The following TRMT10B variants were observed in gnomAD, a reference collection of about 807,000 sequenced individuals.
The protein encoded by TRMT10B is tRNA methyltransferase 10 homolog B.
A neutral mutation model predicts 43.8 loss-of-function variants in TRMT10B; 33 were observed. That is an observed-to-expected ratio of 0.75 (90% confidence interval 0.57 to 1.01). TRMT10B has a LOEUF of 1.01. TRMT10B is among the 50% of genes least tolerant of loss of function. The pLI, the probability that TRMT10B is intolerant of heterozygous loss-of-function variation, is 0.00. For missense variants in TRMT10B, 362 were observed against 369.8 expected (o/e 0.98, Z 0.17); for synonymous variants, 137 against 130.6 (o/e 1.05, Z -0.34).
At chr9:37,756,324 G>T (rs1183194401) in intron 1 of TRMT10B, among the ~76,000 whole-genome samples, 2 of 151,970 alleles carry the variant, frequency 1.3e-5, no homozygotes, top group Non-Finnish European at 2.9e-5. Context: ...CCTATATGCA[G>T]GAAAATGCAG....
At chr9:37,758,334 C>CAT (rs1825936496) in intron 1 of TRMT10B, among the ~76,000 whole-genome samples, 1 of 152,180 alleles carries the variant, frequency 6.6e-6, no homozygotes, top group African/African-American at 2.4e-5. Flanking sequence ...ATCACCCGAG[C>CAT]ATGGGAGGTC....
chr9:37,776,215 T>C, intron 7 of TRMT10B, 67 bp from the exon 8 acceptor site: 1 of 1,235,116 alleles, frequency 8.1e-7, no homozygotes, highest in Non-Finnish European at 1.1e-6. Flanking sequence ...TTTTTAATGC[T>C]GTATTACATT....
chr9:37,758,552 A>T (rs1037872585), intron 1 of TRMT10B, among the ~76,000 whole-genome samples: 1 of 152,146 alleles, frequency 6.6e-6, no homozygotes, highest in Non-Finnish European at 1.5e-5. Flanking sequence ...GGAAAATTAA[A>T]GGGAGAACAG....
At chr9:37,755,931 TAGGAG>T (rs1420657935) in intron 1 of TRMT10B, among the ~76,000 whole-genome samples, 7 of 152,222 alleles carry the variant, frequency 4.6e-5, no homozygotes, top group African/African-American at 1.4e-4. Flanking sequence ...TTCAGTTTGA[TAGGAG>T]AGAAGATACC....
rs542761510 is a variant in TRMT10B, at chr9:37,778,865, G to A, written c.*1158G>A. 6.6e-6 allele frequency: 1 copy of A among 152,254 alleles called. No homozygotes were observed. The highest frequency in any genetic ancestry group is 2.1e-4 in the South Asian group (1 of 4,826). The allele number at this position is 152,254 out of a possible 1,614,324, so 9.4% of individuals were successfully genotyped here. ...TCTTCCTAATCCTTCCTAATGGTAGGATCCTAACAGGACAAATCTGTGTAC... is the reference window on the plus strand; with the variant it reads ...TCTTCCTAATCCTTCCTAATGGTAGAATCCTAACAGGACAAATCTGTGTAC... On this transcript the variant is annotated 3_prime_UTR_variant, in exon 9 of 9. Transcript: ENST00000297994.
intron 1 of TRMT10B, among the ~76,000 whole-genome samples, chr9:37,761,033 C>G (rs1439091907): frequency 6.6e-6 from 1 of 152,134 alleles, no homozygotes; most frequent in African/African-American, 2.4e-5. Flanking sequence ...GACTGGCTTT[C>G]TACTGCAGTG....
chr9:37,759,261 T>C (rs377584708), intron 1 of TRMT10B, among the ~76,000 whole-genome samples: 42 of 152,104 alleles, frequency 2.8e-4, no homozygotes, highest in Admixed American at 1.4e-3. Context: ...CAGAATAAAT[T>C]GTGATATATT....
At chr9:37,756,755 T>C (rs10283678) in intron 1 of TRMT10B, among the ~76,000 whole-genome samples, 3,988 of 144,254 alleles carry the variant, frequency 0.028, 175 homozygotes, top group African/African-American at 0.11. Context: ...CACACACACA[T>C]ATATATATAC....
Position 37,761,908 on chromosome 9 carries a change from T to G in TRMT10B, c.-24T>G, listed in dbSNP as rs1170175422. 6.3e-7 allele frequency: 1 copy of G among 1,586,634 alleles called. No homozygotes were observed. Among genetic ancestry groups the G allele is most frequent in the East Asian group, 2.3e-5 (1 of 44,320 alleles). On this transcript the variant is annotated 5_prime_UTR_variant, in exon 2 of 9. Transcript: ENST00000297994. ...ATAATTGTGCCTTTTTCCAGTCTGGTGGAAAGGACAGAGGACTAAGTCCAT... is the reference window on the plus strand; with the variant it reads ...ATAATTGTGCCTTTTTCCAGTCTGGGGGAAAGGACAGAGGACTAAGTCCAT...
rs1427068205 is a variant in TRMT10B, at chr9:37,763,754, G to A, written c.420+1G>A. 3.7e-6 allele frequency: 6 copies of A among 1,613,972 alleles called. No homozygotes were observed. In the South Asian group the frequency reaches 6.6e-5, roughly 18 times the overall value. ...TATGACCCACTACATGTCAAAGAAG[G>A]TAGAACATCCACTAAGCCTGGAATT... is the stretch of plus-strand genomic sequence containing the variant. On this transcript the variant is annotated splice_donor_variant, in intron 4 of 8. Transcript: ENST00000297994. LOFTEE classifies it high-confidence loss of function.
rs1378716458 is a variant in TRMT10B at position 37,776,395 on chromosome 9, CATCA to C, written c.840_843del (p.Asn280LysfsTer10). The C allele has an allele frequency of 3.7e-6, 6 of 1,608,766 alleles. No homozygotes were observed. Among genetic ancestry groups the C allele is most frequent in the Non-Finnish European group, 5.1e-6 (6 of 1,178,196 alleles). On this transcript the variant is annotated frameshift_variant, in exon 8 of 9. Transcript: ENST00000297994. LOFTEE classifies it high-confidence loss of function. ...AAAACTATCATTCAGAGATACTGGC[CATCA>C]ATCAAGGTACTTCTTACACGGCCCC...
intron 1 of TRMT10B, among the ~76,000 whole-genome samples, chr9:37,756,776 ATATGTGTATACATACATGTG>A (rs1825745329): frequency 1.3e-5 from 2 of 151,038 alleles, no homozygotes; most frequent in South Asian, 2.1e-4. Context: ...ACATATATAC[ATATGTGTATACATACATGTG>A]TATGTGTATA....
At chr9:37,760,525 GTAA>G (rs1346218331) in intron 1 of TRMT10B, among the ~76,000 whole-genome samples, 2 of 152,188 alleles carry the variant, frequency 1.3e-5, no homozygotes, top group African/African-American at 2.4e-5. Flanking sequence ...CTCAAAAATA[GTAA>G]TAATACGGAC....
chr9:37,755,419 A>G (rs1295016612), intron 1 of TRMT10B, among the ~76,000 whole-genome samples: 9 of 152,098 alleles, frequency 5.9e-5, no homozygotes, highest in African/African-American at 1.4e-4. Context: ...GGTAGTTCCT[A>G]TGTCCAAAAA....
chr9:37,776,792 C>T (rs1828201746), intron 8 of TRMT10B, among the ~76,000 whole-genome samples: 1 of 151,694 alleles, frequency 6.6e-6, no homozygotes, highest in Non-Finnish European at 1.5e-5. Context: ...CCAATTATTC[C>T]AGAGGCTGAG....
At chr9:37,756,690 G>A (rs1825716677) in intron 1 of TRMT10B, among the ~76,000 whole-genome samples, 1 of 151,850 alleles carries the variant, frequency 6.6e-6, no homozygotes, top group Non-Finnish European at 1.5e-5. Context: ...CTGCGCTCCA[G>A]CCTGGGTGAC....
At chr9:37,770,150 C>G in intron 6 of TRMT10B, 131 bp downstream of exon 6, 1 of 796,556 alleles carries the variant, frequency 1.3e-6, no homozygotes, top group South Asian at 1.4e-5. Flanking sequence ...TGCACATGAG[C>G]AGTGCTCCTC....
At position 37,764,315 on chromosome 9, in the gene TRMT10B, A is replaced by ATTTT. The variant is rs753115932; in HGVS notation, c.420+582_420+585dup. On this transcript the variant is annotated intron_variant, in intron 4 of 8. Coordinates refer to ENST00000297994, the MANE Select transcript of TRMT10B (RefSeq NM_144964.4). Reference sequence around the variant, plus strand: ...AGGCGTCTGCCACCACGCCTGACAAATTTTTTTTTTTTTTTTTTTTTTTGG... The same window carrying ATTTT: ...AGGCGTCTGCCACCACGCCTGACAAATTTTTTTTTTTTTTTTTTTTTTTTTTTGG... Among the ~76,000 whole-genome samples the ATTTT allele has an allele frequency of 3.4e-3, 378 of 110,508 alleles. 2 individuals are homozygous for ATTTT. Among genetic ancestry groups the ATTTT allele is most frequent in the Non-Finnish European group, 5.2e-3 (288 of 55,746 alleles). The allele number at this position is 110,508 out of a possible 152,430, so 72.5% of individuals were successfully genotyped here. A position where few individuals can be genotyped will look rare whatever the true frequency, so the allele number is the denominator to read the frequency against.
intron 1 of TRMT10B, among the ~76,000 whole-genome samples, chr9:37,759,066 G>A (rs1826018241): frequency 1.3e-5 from 2 of 152,146 alleles, no homozygotes; most frequent in South Asian, 2.1e-4. Context: ...AGTGTAAAAT[G>A]GTATAATACT....
Sources: gnomAD v4.1 joint callset for allele counts (sites outside exome capture counted in the v4.1 genomes callset) on GRCh38, gnomAD v4.1.1 for gene constraint, MANE v1.5 for transcripts, NCBI Gene and HGNC (gene_info 2026-07-23, HGNC 2026-07-21) for gene names.